Variants in CCDC178 observed in about 807,000 individuals in gnomAD.
CCDC178 encodes the protein coiled-coil domain containing 178.
A neutral mutation model predicts 117.4 loss-of-function variants in CCDC178; 126 were observed. That is an observed-to-expected ratio of 1.07 (90% CI 0.93 to 1.24). The LOEUF (loss-of-function observed/expected upper bound fraction) is 1.24, where lower values mean the gene tolerates loss of function less well. Ranked by LOEUF, CCDC178 falls within the 50% of genes most tolerant of loss-of-function variation. CCDC178 has a pLI of 0.00. For synonymous variants in CCDC178, 283 were observed against 313.4 expected, an observed-to-expected ratio of 0.90 and a Z score of 1.02; for missense variants, 1,030 against 986.9, an observed-to-expected ratio of 1.04 and a Z score of -0.59.
chr18:33,429,827 A>G (rs2064182377), intron 2 of CCDC178, among the ~76,000 whole-genome samples: 1 of 152,180 alleles, frequency 6.6e-6, no homozygotes, highest in African/African-American at 2.4e-5. Context: ...GAAAGAAGCT[A>G]TTTCTTAACA....
chr18:33,348,217 A>T (rs2062922639), intron 8 of CCDC178, among the ~76,000 whole-genome samples: 2 of 151,958 alleles, frequency 1.3e-5, no homozygotes, highest in Admixed American at 6.6e-5. Context: ...GCTTTTAAAA[A>T]GTCCTGAGTT....
At chr18:33,272,369 GAATAAATCTGTAACAAGCA>G (rs2059901417) in intron 12 of CCDC178, among the ~76,000 whole-genome samples, 1 of 151,458 alleles carries the variant, frequency 6.6e-6, no homozygotes, top group Non-Finnish European at 1.5e-5. Context: ...CAGAAAATCT[GAATAAATCTGTAACAAGCA>G]AATAAACTGA....
intron 22 of CCDC178, chr18:32,958,235 A>C: frequency 1.8e-6 from 1 of 561,834 alleles, no homozygotes; most frequent in Non-Finnish European, 3.3e-6. Context: ...TAAAACAAAA[A>C]CATAGTTAGT....
intron 4 of CCDC178, among the ~76,000 whole-genome samples, chr18:33,394,987 A>ATG (rs1314101776): frequency 8.2e-6 from 1 of 121,460 alleles, no homozygotes; most frequent in Non-Finnish European, 1.7e-5. Context: ...ATATATATAT[A>ATG]TGTATACATA....
chr18:32,991,113 A>C (rs2055379927), intron 21 of CCDC178, among the ~76,000 whole-genome samples: 1 of 151,298 alleles, frequency 6.6e-6, no homozygotes, highest in Non-Finnish European at 1.5e-5. Context: ...TTCTACATAA[A>C]ATGGGGGCTA....
intron 20 of CCDC178, among the ~76,000 whole-genome samples, chr18:33,193,381 C>A (rs2058886863): frequency 6.7e-6 from 1 of 150,176 alleles, no homozygotes; most frequent in Admixed American, 6.6e-5. Flanking sequence ...TAAAATTATC[C>A]AATTAATGAC....
intron 5 of CCDC178, among the ~76,000 whole-genome samples, chr18:33,380,083 G>A (rs1006163730): frequency 2.0e-5 from 3 of 152,082 alleles, no homozygotes; most frequent in Non-Finnish European, 1.5e-5. Context: ...GGAGTGCAGA[G>A]GGTCCTGCTG....
intron 9 of CCDC178, among the ~76,000 whole-genome samples, chr18:33,334,377 T>C (rs1444897390): frequency 3.3e-5 from 5 of 152,062 alleles, no homozygotes; most frequent in African/African-American, 1.2e-4. Flanking sequence ...ATAAAAATAT[T>C]TGAAATTTTA....
intron 20 of CCDC178, among the ~76,000 whole-genome samples, chr18:33,098,684 G>A (rs1247319026): frequency 2.0e-5 from 3 of 151,938 alleles, no homozygotes; most frequent in Non-Finnish European, 4.4e-5. Flanking sequence ...AAAATGTATT[G>A]TTAGTATTTA....
chr18:33,400,804 A>G (rs978201540), intron 3 of CCDC178, among the ~76,000 whole-genome samples: 2 of 152,164 alleles, frequency 1.3e-5, no homozygotes, highest in African/African-American at 4.8e-5. Flanking sequence ...TTTCCTTTGC[A>G]TTCACAACTT....
chr18:33,178,857 G>C (rs378218), intron 20 of CCDC178, among the ~76,000 whole-genome samples: 1 of 150,806 alleles, frequency 6.6e-6, no homozygotes. Context: ...GCTTCTTCTT[G>C]AACTGTTCAA....
At chr18:32,980,678 G>A (rs926557439) in intron 21 of CCDC178, among the ~76,000 whole-genome samples, 2 of 151,246 alleles carry the variant, frequency 1.3e-5, no homozygotes, top group African/African-American at 4.9e-5. Context: ...CACATAAAAG[G>A]AAAGCTATTT....
chr18:33,425,600 A>G (rs566541421), intron 2 of CCDC178, among the ~76,000 whole-genome samples: 1 of 152,324 alleles, frequency 6.6e-6, no homozygotes, highest in South Asian at 2.1e-4. Context: ...GAGGATTTTA[A>G]TTAGCCTTAC....
chr18:32,950,569 A>G lies in CCDC178; in HGVS notation c.2524-12478T>C, dbSNP rs537694911. Among the ~76,000 whole-genome samples, 129 of 152,214 alleles carry G rather than the reference A, an allele frequency of 8.5e-4. 1 individual carries two copies. The highest frequency in any genetic ancestry group is 3.0e-3 in the African/African-American group (126 of 41,540). ...TACTTTCAGTAGTACTTTTAAAAAC[A>G]TTTCCTGGTTTCCAACAGTTACAGT... is the stretch of plus-strand genomic sequence containing the variant. On this transcript the variant is annotated intron_variant, in intron 22 of 22. Coordinates refer to ENST00000383096, the MANE Select transcript of CCDC178 (RefSeq NM_001105528.4).
chr18:33,345,873 A>C (rs4467159), intron 9 of CCDC178, among the ~76,000 whole-genome samples: 42,754 of 151,892 alleles, frequency 0.28, 6,370 homozygotes, highest in East Asian at 0.48. Flanking sequence ...ATTTTTTGAG[A>C]CAGGATCTCA....
chr18:32,964,530 G>A (rs762446417), intron 22 of CCDC178, among the ~76,000 whole-genome samples: 6 of 151,972 alleles, frequency 3.9e-5, no homozygotes, highest in Middle Eastern at 3.4e-3. Flanking sequence ...TTTCAGAGTC[G>A]TCTTAACACA....
At chr18:33,351,709 A>G (rs534926240) in intron 7 of CCDC178, among the ~76,000 whole-genome samples, 2 of 151,814 alleles carry the variant, frequency 1.3e-5, no homozygotes, top group East Asian at 2.0e-4. Context: ...CACCTGGCTC[A>G]TTTTTTCATT....
intron 14 of CCDC178, among the ~76,000 whole-genome samples, chr18:33,263,389 C>G (rs1031895193): frequency 2.6e-5 from 4 of 152,070 alleles, no homozygotes; most frequent in African/African-American, 9.7e-5. Context: ...AAATGAGAGC[C>G]ATCCAAATAA....
chr18:33,417,008 G>C (rs1568213497), intron 2 of CCDC178, among the ~76,000 whole-genome samples: 2 of 152,312 alleles, frequency 1.3e-5, no homozygotes, highest in Non-Finnish European at 2.9e-5. Context: ...TGGTTAGAAT[G>C]CAAAATGATG....
Sources: allele counts gnomAD v4.1 joint callset (sites outside exome capture counted in the v4.1 genomes callset), GRCh38; gene constraint gnomAD v4.1.1; transcripts MANE v1.5; gene names NCBI Gene and HGNC (gene_info 2026-07-23, HGNC 2026-07-21).